ROR1: variants seen among roughly 807,000 people sequenced by gnomAD.
ROR1 encodes the protein inactive tyrosine-protein kinase transmembrane receptor ROR1.
ROR1 carries 19 observed loss-of-function variants against 78.8 expected under a neutral mutation model. The observed-to-expected ratio is 0.24, with a 90% confidence interval of 0.17 to 0.35. The LOEUF (loss-of-function observed/expected upper bound fraction) is 0.35, where lower values mean the gene tolerates loss of function less well. Ranked by LOEUF, ROR1 falls within the 10% of genes least tolerant of loss-of-function variation. The pLI is 1.00. For missense variants in ROR1, 917 were observed against 1,177.8 expected (o/e 0.78, Z 3.24); for synonymous variants, 386 against 433.6 (o/e 0.89, Z 1.36).
intron 1 of ROR1, among the ~76,000 whole-genome samples, chr1:64,001,208 G>A (rs764876524): frequency 1.3e-5 from 2 of 152,288 alleles, no homozygotes; most frequent in Admixed American, 1.3e-4. Flanking sequence ...AATCTCAAGG[G>A]CATTATGCTG....
At chr1:63,791,304 T>C (rs924517941) in intron 1 of ROR1, among the ~76,000 whole-genome samples, 1 of 152,110 alleles carries the variant, frequency 6.6e-6, no homozygotes, top group Admixed American at 6.6e-5. Context: ...AGGCTCCTGT[T>C]AGAGTGCTGG....
chr1:64,131,137 AC>A (rs1184444589), intron 4 of ROR1, among the ~76,000 whole-genome samples: 1 of 152,164 alleles, frequency 6.6e-6, no homozygotes, highest in African/African-American at 2.4e-5. Context: ...AAACCTATGG[AC>A]CGTCCATCTC....
chr1:63,802,333 A>G (rs182919444), intron 1 of ROR1, among the ~76,000 whole-genome samples: 382 of 152,242 alleles, frequency 2.5e-3, no homozygotes, highest in Non-Finnish European at 4.1e-3. Context: ...TATAGAGGGA[A>G]TGGAGAGCCC....
chr1:64,127,408 T>C (rs1648746892), intron 4 of ROR1, among the ~76,000 whole-genome samples: 1 of 152,122 alleles, frequency 6.6e-6, no homozygotes, highest in Admixed American at 6.6e-5. Flanking sequence ...TTCATCTCTC[T>C]CTCTTTCTCT....
At chr1:64,094,917 A>G (rs1051251714) in intron 4 of ROR1, 2 of 152,138 alleles carry the variant, frequency 1.3e-5, no homozygotes, top group African/African-American at 4.8e-5. Flanking sequence ...AATTTATGTT[A>G]CTAGCAAACC....
chr1:63,913,877 G>C (rs1372496288), intron 1 of ROR1, among the ~76,000 whole-genome samples: 1 of 152,192 alleles, frequency 6.6e-6, no homozygotes, highest in Non-Finnish European at 1.5e-5. Context: ...ATTGTCTGCA[G>C]TTTAAAACGC....
intron 4 of ROR1, among the ~76,000 whole-genome samples, chr1:64,075,333 C>T (rs1275930888): frequency 1.3e-5 from 2 of 152,250 alleles, no homozygotes; most frequent in Middle Eastern, 3.4e-3. Context: ...TTAAGATTAT[C>T]TGCTTTTAGG....
intron 1 of ROR1, among the ~76,000 whole-genome samples, chr1:63,833,715 A>G (rs994777941): frequency 3.3e-5 from 5 of 151,954 alleles, no homozygotes; most frequent in Non-Finnish European, 5.9e-5. Context: ...TCTGCTGATC[A>G]GAGTAAATTT....
rs1283182771 is a variant in ROR1, at chr1:63,848,373, A to T, written c.91+73865A>T. The stretch of plus-strand genomic sequence containing the variant: ...AATAAGATCCTGTTACACATTTGAA[A>T]AAAAGACTTTTGCAGAGTGGAGGTA... On this transcript the variant is annotated intron_variant, in intron 1 of 8. Transcript: ENST00000371079. Among the ~76,000 whole-genome samples the T allele has an allele frequency of 2.0e-5, 3 of 152,376 alleles. No individual in the cohort carries two copies. In the East Asian group the frequency reaches 5.8e-4, roughly 29 times the overall value.
rs1375851297 is a variant in ROR1, at chr1:64,157,752, C to G, written c.1175-1229C>G. 3.9e-5 allele frequency among the ~76,000 whole-genome samples: 6 copies of G among 152,132 alleles called. No individual in the cohort carries two copies. In the East Asian group the frequency reaches 1.2e-3, roughly 29 times the overall value. On this transcript the variant is annotated intron_variant, in intron 7 of 8. Transcript: ENST00000371079. ...CATGTCATTATCTTTCTTCTATTTT[C>G]CTTACCAGACGATGAGCTCCTTAAG...
intron 1 of ROR1, among the ~76,000 whole-genome samples, chr1:63,832,268 T>C (rs1004053134): frequency 6.6e-6 from 1 of 152,210 alleles, no homozygotes; most frequent in African/African-American, 2.4e-5. Flanking sequence ...ACTTCCACAT[T>C]TTCAGATATC....
chr1:64,064,369 A>C (rs569741657), intron 4 of ROR1, among the ~76,000 whole-genome samples: 52 of 152,310 alleles, frequency 3.4e-4, no homozygotes, highest in Middle Eastern at 6.8e-3. Flanking sequence ...GGGAGAAACA[A>C]CTTGGCTGCT....
At chr1:64,099,511 C>T (rs1216723546) in intron 4 of ROR1, among the ~76,000 whole-genome samples, 1 of 151,860 alleles carries the variant, frequency 6.6e-6, no homozygotes, top group African/African-American at 2.4e-5. Flanking sequence ...ACATTCTGCT[C>T]CAGAGCATTT....
At chr1:63,886,509 T>C (rs957392820) in intron 1 of ROR1, among the ~76,000 whole-genome samples, 26 of 152,266 alleles carry the variant, frequency 1.7e-4, no homozygotes, top group African/African-American at 6.0e-4. Flanking sequence ...TAATTTATAA[T>C]TCTGCTGAGG....
chr1:63,876,342 G>T (rs1164213428), intron 1 of ROR1, among the ~76,000 whole-genome samples: 4 of 152,060 alleles, frequency 2.6e-5, no homozygotes, highest in African/African-American at 7.2e-5. Context: ...TTTCACAGAA[G>T]AATTTCATTT....
At chr1:64,021,015 A>C (rs1455980539) in intron 2 of ROR1, among the ~76,000 whole-genome samples, 16 of 140,318 alleles carry the variant, frequency 1.1e-4, no homozygotes, top group Non-Finnish European at 2.5e-4. Context: ...TTATTCTGTC[A>C]AATGCTTATT....
chr1:63,987,442 A>G (rs1218758167), intron 1 of ROR1, among the ~76,000 whole-genome samples: 1 of 152,184 alleles, frequency 6.6e-6, no homozygotes, highest in Non-Finnish European at 1.5e-5. Flanking sequence ...ATGGGCTGTC[A>G]GCTTATCTTC....
chr1:63,888,366 G>A (rs144123566), intron 1 of ROR1, among the ~76,000 whole-genome samples: 2,705 of 152,202 alleles, frequency 0.018, 42 homozygotes, highest in African/African-American at 0.037. Context: ...TGTAATCCTA[G>A]CACTTTGGGA....
At chr1:63,922,393 G>T (rs78588406) in intron 1 of ROR1, among the ~76,000 whole-genome samples, 1 of 152,112 alleles carries the variant, frequency 6.6e-6, no homozygotes, top group Non-Finnish European at 1.5e-5. Flanking sequence ...GTCAAAACAC[G>T]TGATTCTCTC....
Sources: gnomAD v4.1 joint callset for allele counts (sites outside exome capture counted in the v4.1 genomes callset) on GRCh38, gnomAD v4.1.1 for gene constraint, MANE v1.5 for transcripts, NCBI Gene and HGNC (gene_info 2026-07-23, HGNC 2026-07-21) for gene names.